Variants in SPRY3 observed in about 807,000 individuals in gnomAD.
SPRY3 encodes the protein sprouty RTK signaling antagonist 3, also known as protein sprouty homolog 3.
A neutral mutation model predicts 20.2 loss-of-function variants in SPRY3; 15 were observed. The observed-to-expected ratio is 0.74, with a 90% confidence interval of 0.50 to 1.14. SPRY3 has a LOEUF of 1.14. Among genes scored for constraint, SPRY3 ranks in the 50% most tolerant of loss-of-function variants. The pLI, the probability that SPRY3 is intolerant of heterozygous loss-of-function variation, is 0.00. For missense variants in SPRY3, 364 were observed against 363.9 expected (o/e 1.00, Z 0.00); for synonymous variants, 143 against 136.5 (o/e 1.05, Z -0.33).
rs146035417 is a variant in SPRY3 at position 155,688,606 on chromosome X, G to A, written c.-282+31581G>A. Among the ~76,000 whole-genome samples the A allele has an allele frequency of 5.2e-3, 573 of 110,495 alleles. 7 individuals are homozygous for A. Among genetic ancestry groups the A allele is most frequent in the African/African-American group, 0.018 (549 of 30,361 alleles). ...CGGATCTGACATGGTATTTCATTGC[G>A]GTTTTGATGTGCATTTCTCTAATGA... On this transcript the variant is annotated intron_variant, in intron 2 of 3. Transcript: ENST00000675360.
intron 2 of SPRY3, among the ~76,000 whole-genome samples, chrX:155,723,997 C>A (rs934815637): frequency 2.6e-5 from 4 of 152,082 alleles, no homozygotes; most frequent in Admixed American, 6.6e-5. Flanking sequence ...TCAGCTTTCT[C>A]CATATGGCTA....
At chrX:155,730,262 A>G (rs1296058425) in intron 2 of SPRY3, among the ~76,000 whole-genome samples, 4 of 152,196 alleles carry the variant, frequency 2.6e-5, no homozygotes, top group African/African-American at 9.6e-5. Context: ...AACATCCCTG[A>G]TGAACATTGA....
Position 155,736,816 on chromosome X carries a change from G to T in SPRY3, c.-281-31146G>T, listed in dbSNP as rs780421498. Among the ~76,000 whole-genome samples the T allele has an allele frequency of 2.8e-4, 42 of 151,716 alleles. No individual in the cohort carries two copies. In the East Asian group the frequency reaches 6.8e-3, roughly 24 times the overall value. On this transcript the variant is annotated intron_variant, in intron 2 of 3. Coordinates refer to ENST00000675360, the Ensembl canonical transcript of SPRY3. ...TTTCTTTCTCTCTTTCTTCTTCTGGGATTCCTATTACATGTATATCACATC... is the reference window on the plus strand; with the variant it reads ...TTTCTTTCTCTCTTTCTTCTTCTGGTATTCCTATTACATGTATATCACATC...
intron 2 of SPRY3, among the ~76,000 whole-genome samples, chrX:155,715,908 C>A (rs1337349301): frequency 1.3e-5 from 2 of 152,244 alleles, no homozygotes; most frequent in South Asian, 2.1e-4. Flanking sequence ...TGCAAAGATT[C>A]TCTCACTGTG....
At chrX:155,759,424 T>C (rs1602994558) in intron 2 of SPRY3, among the ~76,000 whole-genome samples, 1 of 152,272 alleles carries the variant, frequency 6.6e-6, no homozygotes, top group Admixed American at 6.5e-5. Context: ...AAAACACATG[T>C]CACCCTTTGT....
At chrX:155,730,181 C>T (rs2091124021) in intron 2 of SPRY3, among the ~76,000 whole-genome samples, 2 of 152,248 alleles carry the variant, frequency 1.3e-5, no homozygotes, top group South Asian at 4.1e-4. Flanking sequence ...ATTCCAGACT[C>T]ATTCTATGAG....
At chrX:155,767,230 AG>A (rs752393188) in intron 2 of SPRY3, among the ~76,000 whole-genome samples, 321 of 151,338 alleles carry the variant, frequency 2.1e-3, no homozygotes, top group African/African-American at 6.2e-3. Flanking sequence ...ACGCGGGGGG[AG>A]GGGGGAGAGA....
At chrX:155,768,216 C>G (rs1306356751) in intron 3 of SPRY3, 80 bp downstream of exon 2, 1 of 137,634 alleles carries the variant, frequency 7.3e-6, no homozygotes, top group East Asian at 2.2e-4. Flanking sequence ...TCCAGCCATC[C>G]TGTGCTGTCT....
rs568583710 is a variant in SPRY3 at position 155,748,688 on chromosome X, C to G, written c.-281-19274C>G. On this transcript the variant is annotated intron_variant, in intron 2 of 3. Transcript: ENST00000675360. Reference sequence around the variant, plus strand: ...TCAGGGCCAAAGAACAGGGCAATACCTCATGGAATGTCTGACTGCTACATG... The same window carrying G: ...TCAGGGCCAAAGAACAGGGCAATACGTCATGGAATGTCTGACTGCTACATG... Among the ~76,000 whole-genome samples, 17 of 151,846 alleles carry G rather than the reference C, an allele frequency of 1.1e-4. No homozygotes were observed. The East Asian group carries it at 1.7e-3, about 16-fold the overall frequency.
chrX:155,615,704 C>T (rs1486992634), intron 1 of SPRY3, among the ~76,000 whole-genome samples: 5 of 111,465 alleles, frequency 4.5e-5, no homozygotes, highest in African/African-American at 1.6e-4. Context: ...CTCACCTATT[C>T]ATGGACAAAA....
At chrX:155,759,038 C>T (rs140423098) in intron 2 of SPRY3, among the ~76,000 whole-genome samples, 3,159 of 151,274 alleles carry the variant, frequency 0.021, 101 homozygotes, top group East Asian at 0.14. Flanking sequence ...TTGTGCATGC[C>T]GTTTCTCTGC....
At chrX:155,695,458 T>C (rs1212434614) in intron 2 of SPRY3, among the ~76,000 whole-genome samples, 1 of 110,987 alleles carries the variant, frequency 9.0e-6, no homozygotes, top group Non-Finnish European at 1.9e-5. Context: ...CTAGGAATTT[T>C]TTTTAATGTA....
intron 2 of SPRY3, among the ~76,000 whole-genome samples, chrX:155,747,577 A>G (rs1439302254): frequency 6.6e-6 from 1 of 151,982 alleles, no homozygotes; most frequent in Admixed American, 6.6e-5. Context: ...CCCAAATATC[A>G]GTGCCAAAAC....
intron 2 of SPRY3, among the ~76,000 whole-genome samples, chrX:155,762,599 AAG>A (rs1438157780): frequency 1.3e-5 from 2 of 152,156 alleles, no homozygotes; most frequent in African/African-American, 4.8e-5. Flanking sequence ...TCTCAAATAA[AAG>A]AGAAATCAGG....
chrX:155,749,470 T>A (rs1366861597), intron 2 of SPRY3, among the ~76,000 whole-genome samples: 3 of 151,816 alleles, frequency 2.0e-5, no homozygotes, highest in Non-Finnish European at 4.4e-5. Flanking sequence ...AAGTAACATT[T>A]GAGCTAGGAA....
At chrX:155,738,470 A>G (rs1036148493) in intron 2 of SPRY3, among the ~76,000 whole-genome samples, 7 of 152,304 alleles carry the variant, frequency 4.6e-5, no homozygotes, top group African/African-American at 1.7e-4. Flanking sequence ...CATGGCTTTC[A>G]TGGAGAGGAA....
At chrX:155,642,787 A>G (rs973998986) in intron 1 of SPRY3, among the ~76,000 whole-genome samples, 5 of 111,833 alleles carry the variant, frequency 4.5e-5, no homozygotes, top group Non-Finnish European at 9.4e-5. Flanking sequence ...TATAGTTTCC[A>G]AAATTCTTCT....
At chrX:155,759,267 A>G (rs1039474516) in intron 2 of SPRY3, among the ~76,000 whole-genome samples, 41 of 151,854 alleles carry the variant, frequency 2.7e-4, no homozygotes, top group Non-Finnish European at 2.9e-4. Flanking sequence ...CAAGTGATCC[A>G]CCCACCTCGA....
intron 2 of SPRY3, among the ~76,000 whole-genome samples, chrX:155,746,973 C>T (rs1197141438): frequency 6.6e-6 from 1 of 151,868 alleles, no homozygotes; most frequent in African/African-American, 2.4e-5. Flanking sequence ...CTCCTCTTGG[C>T]TCCAAACTGT....
Sources: gnomAD v4.1 joint callset for allele counts (sites outside exome capture counted in the v4.1 genomes callset) on GRCh38, gnomAD v4.1.1 for gene constraint, MANE v1.5 for transcripts, NCBI Gene and HGNC (gene_info 2026-07-23, HGNC 2026-07-21) for gene names.